CTBP2: variants seen among roughly 807,000 people sequenced by gnomAD.
CTBP2 encodes C-terminal-binding protein 2.
A neutral mutation model predicts 80.3 loss-of-function variants in CTBP2; 30 were observed. The observed-to-expected ratio is 0.37, with a 90% CI of 0.28 to 0.51. The LOEUF (loss-of-function observed/expected upper bound fraction) is 0.51, where lower values mean the gene tolerates loss of function less well. Among genes scored for constraint, CTBP2 ranks in the 20% least tolerant of loss-of-function variants. The probability of loss-of-function intolerance (pLI) is 0.93; values close to 1 mark genes in which losing one functional copy is unlikely to be tolerated. For missense variants in CTBP2, 1,212 were observed against 1,375.3 expected (o/e 0.88, Z 1.88); for synonymous variants, 594 against 587.4 (o/e 1.01, Z -0.16).
chr10:125,032,899 T>C (rs1249284057), upstream of CTBP2: 1 of 154,784 alleles, frequency 6.5e-6, no homozygotes, highest in Non-Finnish European at 1.5e-5. Flanking sequence ...CTGGGCATGG[T>C]AGGCACTAAG....
chr10:124,993,064 CA>C, intron 7 of CTBP2, 137 bp downstream of exon 9: 1 of 1,111,750 alleles, frequency 9.0e-7, no homozygotes, highest in Non-Finnish European at 1.3e-6. Context: ...CGTAAATAAA[CA>C]GGGCCCAACT....
At chr10:125,074,222 A>G (rs767321609) in intron 2 of CTBP2, among the ~76,000 whole-genome samples, 1 of 152,226 alleles carries the variant, frequency 6.6e-6, no homozygotes, top group Non-Finnish European at 1.5e-5. Flanking sequence ...TATAGTGAAC[A>G]TAAGGAAGAA....
At chr10:125,049,271 C>T (rs1036779952) in intron 2 of CTBP2, among the ~76,000 whole-genome samples, 6 of 152,110 alleles carry the variant, frequency 3.9e-5, no homozygotes, top group African/African-American at 7.2e-5. Flanking sequence ...ATTCAGTCCC[C>T]ACCGTCACAG....
intron 2 of CTBP2, among the ~76,000 whole-genome samples, chr10:125,099,201 G>A (rs1152684): frequency 2.0e-5 from 3 of 152,050 alleles, no homozygotes; most frequent in Admixed American, 6.5e-5. Context: ...CAAATCTGAC[G>A]TCTGTTCTTG....
In CTBP2 at chr10:125,027,499, A is replaced by G. The variant is rs1351832952; in HGVS notation, c.261T>C (p.Pro87=). The G allele has an allele frequency of 2.7e-5, 44 of 1,614,044 alleles. No individual in the cohort carries two copies. The highest frequency in any genetic ancestry group is 3.6e-5 in the Non-Finnish European group (43 of 1,180,022). ...GTCTGCTGTCGTAGAAGGTGAAGTC[A>G]GGAGTAGACCCCTTTCTTGCAGCCA... Residue 87 remains proline, a synonymous_variant, in exon 1 of 9, where the codon CCT becomes CCC. Transcript: ENST00000309035.
chr10:125,054,757 G>C (rs935204610), intron 2 of CTBP2, among the ~76,000 whole-genome samples: 2 of 152,180 alleles, frequency 1.3e-5, no homozygotes, highest in Non-Finnish European at 2.9e-5. Flanking sequence ...ATGGCGTCTA[G>C]TTTATACTAC....
chr10:125,026,676 C>A lies in CTBP2; in HGVS notation c.1084G>T (p.Gly362Cys), dbSNP rs202010294. The change falls in exon 1 of 9, where the codon GGC becomes TGC. Residue 362 changes from glycine to cysteine, a missense_variant. Transcript: ENST00000309035. ...CTGGACCGCGCCCGGGGCAGCGGGC[C>A]CCCCCGGTCCTGCCTCCGCAGCTGC... 6 of 1,607,388 alleles carry A rather than the reference C, an allele frequency of 3.7e-6. No homozygotes were observed. The highest frequency in any genetic ancestry group is 1.7e-5 in the Admixed American group (1 of 59,272).
chr10:124,984,919 A>G lies in CTBP2; in HGVS notation c.*4599T>C. 6.2e-7 allele frequency: 1 copy of G among 1,613,898 alleles called. No homozygotes were observed. The highest frequency in any genetic ancestry group is 8.5e-7 in the Non-Finnish European group (1 of 1,179,988). On this transcript the variant is annotated 3_prime_UTR_variant, in exon 9 of 9. Coordinates refer to ENST00000309035, the MANE Select transcript of CTBP2 (RefSeq NM_022802.3). ...ACTCAGATGGTAGAAAAATGGCTTG[A>G]CCGCTACCGACAGATCCGGCCGTGT...
At chr10:125,105,517 A>C (rs894643211) in intron 2 of CTBP2, among the ~76,000 whole-genome samples, 33 of 152,196 alleles carry the variant, frequency 2.2e-4, no homozygotes, top group Non-Finnish European at 2.5e-4. Flanking sequence ...AGGCTCTTGC[A>C]CTTCTGAGCT....
intron 5 of CTBP2, 129 bp downstream of exon 7, chr10:124,994,340 C>A: frequency 1.1e-6 from 1 of 917,870 alleles, no homozygotes; most frequent in Non-Finnish European, 1.7e-6. Flanking sequence ...TGGTTTGTTG[C>A]AGGGCCTCTT....
At position 124,984,875 on chromosome 10, in the gene CTBP2, G is replaced by A; in HGVS notation, c.*4643C>T. 1 of 1,614,036 alleles carries A rather than the reference G, an allele frequency of 6.2e-7. No individual in the cohort carries two copies. The highest frequency in any genetic ancestry group is 1.1e-5 in the South Asian group (1 of 91,062). ...TTGCCATGCAGAAGAGTTCTCGGCGGCGAAATCACCCCCTGGTCACTCAGA... is the reference window on the plus strand; with the variant it reads ...TTGCCATGCAGAAGAGTTCTCGGCGACGAAATCACCCCCTGGTCACTCAGA... On this transcript the variant is annotated 3_prime_UTR_variant, in exon 9 of 9. Coordinates refer to ENST00000309035, the MANE Select transcript of CTBP2 (RefSeq NM_022802.3).
At chr10:125,046,116 A>C (rs1961171929) in intron 2 of CTBP2, among the ~76,000 whole-genome samples, 2 of 151,704 alleles carry the variant, frequency 1.3e-5, no homozygotes, top group African/African-American at 4.9e-5. Flanking sequence ...TGTACCCCCC[A>C]AATCATCTAA....
chr10:125,116,766 A>C (rs748012225), intron 1 of CTBP2, among the ~76,000 whole-genome samples: 1 of 152,204 alleles, frequency 6.6e-6, no homozygotes, highest in African/African-American at 2.4e-5. Flanking sequence ...ATGGCATGGA[A>C]AGTGGTGCCA....
At chr10:125,053,221 G>C (rs1166307428) in intron 2 of CTBP2, among the ~76,000 whole-genome samples, 1 of 152,142 alleles carries the variant, frequency 6.6e-6, no homozygotes, top group East Asian at 1.9e-4. Flanking sequence ...GTACGACTGG[G>C]GGTTCATCTC....
rs576253221 is a variant in CTBP2, at chr10:125,047,811, TTTAA to T, written c.-101-8660_-101-8657del. ...GGGGGAAGATTTAATCCTCCTAACT[TTTAA>T]TTATTTAGCTTACACTTAACACATG... On this transcript the variant is annotated intron_variant, in intron 2 of 10. Coordinates refer to the CTBP2 transcript ENST00000337195. 7.9e-5 allele frequency among the ~76,000 whole-genome samples: 12 copies of T among 152,344 alleles called. No homozygotes were observed. The South Asian group carries it at 2.5e-3, about 32-fold the overall frequency.
At chr10:125,059,244 T>C (rs1257875999) in intron 2 of CTBP2, among the ~76,000 whole-genome samples, 1 of 152,092 alleles carries the variant, frequency 6.6e-6, no homozygotes, top group Admixed American at 6.6e-5. Context: ...ATCAGCGATA[T>C]GAAGGTACGT....
chr10:125,071,110 C>T (rs1845415682), intron 2 of CTBP2, among the ~76,000 whole-genome samples: 1 of 152,250 alleles, frequency 6.6e-6, no homozygotes, highest in South Asian at 2.1e-4. Context: ...TCCAGATGCT[C>T]CCGAGCCGTG....
At chr10:124,992,066 C>T (rs552155004) in intron 8 of CTBP2, among the ~76,000 whole-genome samples, 1 of 152,274 alleles carries the variant, frequency 6.6e-6, no homozygotes, top group South Asian at 2.1e-4. Context: ...ACAAGGTCAT[C>T]ATCCTGAGTT....
chr10:125,150,205 C>T (rs1223033267), intron 1 of CTBP2, among the ~76,000 whole-genome samples: 1 of 152,192 alleles, frequency 6.6e-6, no homozygotes, highest in Non-Finnish European at 1.5e-5. Context: ...GGACCCAAGC[C>T]CTCCCTCGAG....
Sources: allele counts gnomAD v4.1 joint callset (sites outside exome capture counted in the v4.1 genomes callset), GRCh38; gene constraint gnomAD v4.1.1; transcripts MANE v1.5; gene names NCBI Gene and HGNC (gene_info 2026-07-23, HGNC 2026-07-21).